EFHC2: variants seen among roughly 807,000 people sequenced by gnomAD.
EFHC2 encodes the protein EF-hand domain containing 2.
EFHC2 carries 18 observed loss-of-function variants against 52.7 expected under a neutral mutation model. That is an observed-to-expected ratio of 0.34 (90% confidence interval 0.24 to 0.51). The LOEUF (loss-of-function observed/expected upper bound fraction) is 0.51. EFHC2 is among the 20% of genes least tolerant of loss of function. The pLI, the probability that EFHC2 is intolerant of heterozygous loss-of-function variation, is 0.97. For missense variants in EFHC2, 513 were observed against 562.5 expected, an observed-to-expected ratio of 0.91 and a Z score of 0.89; for synonymous variants, 203 against 204.1, an observed-to-expected ratio of 0.99 and a Z score of 0.04.
At chrX:44,319,148 T>C (rs1009685786) in intron 1 of EFHC2, among the ~76,000 whole-genome samples, 15 of 109,011 alleles carry the variant, frequency 1.4e-4, no homozygotes, top group Non-Finnish European at 2.5e-4. Flanking sequence ...GGATTACAGG[T>C]GCCCACCACT....
At chrX:44,195,403 A>ATGTG (rs750049145) in intron 11 of EFHC2, among the ~76,000 whole-genome samples, 2 of 109,055 alleles carry the variant, frequency 1.8e-5, no homozygotes, top group African/African-American at 6.7e-5. Context: ...AGCTAAATAA[A>ATGTG]TGTGTGTGTG....
At chrX:44,225,811 G>A (rs1202137490) in intron 11 of EFHC2, 1 of 111,873 alleles carries the variant, frequency 8.9e-6, no homozygotes, top group Admixed American at 9.4e-5. Context: ...ATCAGGCCTA[G>A]CTTCTCCTTA....
In EFHC2 at chrX:44,321,988, G is replaced by C. The variant is rs757538685; in HGVS notation, c.43-9232C>G. Among the ~76,000 whole-genome samples, 3 of 111,945 alleles carry C rather than the reference G, an allele frequency of 2.7e-5. No individual in the cohort carries two copies. The South Asian group carries it at 1.1e-3, about 42-fold the overall frequency. ...GCCAGAGGCAGAACATTCTGTTCCT[G>C]CATAGATCTTCTATTAAAGTCTGGA... On this transcript the variant is annotated intron_variant, in intron 1 of 14. Coordinates refer to ENST00000420999, the MANE Select transcript of EFHC2 (RefSeq NM_025184.4).
chrX:44,176,467 T>G (rs1450720572), intron 12 of EFHC2, 83 bp from the exon 13 acceptor site: 6 of 660,817 alleles, frequency 9.1e-6, no homozygotes, highest in Non-Finnish European at 1.3e-5. Context: ...AGAAAATACA[T>G]TTGTGATGTT....
At chrX:44,155,613 T>C (rs773619089) in intron 14 of EFHC2, among the ~76,000 whole-genome samples, 2 of 112,217 alleles carry the variant, frequency 1.8e-5, no homozygotes, top group Non-Finnish European at 3.8e-5. Flanking sequence ...TAGAGTCATG[T>C]TGGTGATTTC....
intron 1 of EFHC2, among the ~76,000 whole-genome samples, chrX:44,341,170 C>T (rs1036319910): frequency 1.8e-5 from 2 of 111,944 alleles, no homozygotes; most frequent in Non-Finnish European, 3.8e-5. Context: ...AAACACCAAA[C>T]ATTTCCATTG....
At chrX:44,188,146 ATT>A in intron 11 of EFHC2, among the ~76,000 whole-genome samples, 1 of 95,277 alleles carries the variant, frequency 1.0e-5, no homozygotes. Flanking sequence ...ACGCCCAGCA[ATT>A]TTTTTTTTTT....
intron 14 of EFHC2, among the ~76,000 whole-genome samples, chrX:44,160,046 A>T (rs745470151): frequency 8.9e-6 from 1 of 112,429 alleles, no homozygotes; most frequent in East Asian, 2.8e-4. Context: ...AAAGTCACCC[A>T]GTTAGTTGAT....
intron 11 of EFHC2, among the ~76,000 whole-genome samples, chrX:44,211,391 G>A (rs1244369974): frequency 2.7e-5 from 3 of 110,500 alleles, no homozygotes; most frequent in Non-Finnish European, 3.8e-5. Flanking sequence ...AGCCAGGCGT[G>A]GTGGTGTGCA....
chrX:44,230,951 G>A (rs2147321236), intron 10 of EFHC2, among the ~76,000 whole-genome samples: 1 of 111,483 alleles, frequency 9.0e-6, no homozygotes, highest in South Asian at 3.8e-4. Context: ...CTGAAGTTCA[G>A]GAAAAATACA....
intron 1 of EFHC2, among the ~76,000 whole-genome samples, chrX:44,323,326 T>C (rs779649282): frequency 3.7e-4 from 42 of 112,468 alleles, no homozygotes; most frequent in Non-Finnish European, 7.1e-4. Flanking sequence ...TCTATTTTTA[T>C]GATTTATTTT....
chrX:44,220,656 T>A (rs755458356), intron 11 of EFHC2, among the ~76,000 whole-genome samples: 2 of 112,185 alleles, frequency 1.8e-5, no homozygotes, highest in East Asian at 5.6e-4. Context: ...GCCTATGTGG[T>A]CTACCTCTTT....
At chrX:44,317,082 C>T (rs749132400) in intron 1 of EFHC2, among the ~76,000 whole-genome samples, 14 of 112,011 alleles carry the variant, frequency 1.2e-4, no homozygotes, top group South Asian at 7.5e-4. Context: ...AGGAAGGGTC[C>T]GGGGAAGAAG....
At chrX:44,321,285 A>G (rs2038018758) in intron 1 of EFHC2, among the ~76,000 whole-genome samples, 1 of 111,229 alleles carries the variant, frequency 9.0e-6, no homozygotes, top group Non-Finnish European at 1.9e-5. Context: ...TTCTGGAGGT[A>G]GGAGGCAGGC....
chrX:44,164,155 T>G, intron 13 of EFHC2, 128 bp from the exon 14 acceptor site: 1 of 380,369 alleles, frequency 2.6e-6, no homozygotes, highest in Non-Finnish European at 4.4e-6. Context: ...TTCTTATTTC[T>G]TACAATTTCT....
intron 2 of EFHC2, among the ~76,000 whole-genome samples, chrX:44,300,791 C>T (rs184056828): frequency 1.8e-5 from 2 of 110,943 alleles, no homozygotes; most frequent in Admixed American, 9.6e-5. Context: ...CAAATTGCTC[C>T]TGGGGATGAA....
intron 1 of EFHC2, among the ~76,000 whole-genome samples, chrX:44,342,875 C>CAAAAAA (rs377220378): frequency 3.5e-5 from 2 of 57,406 alleles, no homozygotes; most frequent in Admixed American, 4.3e-4. Flanking sequence ...GACTCCGTCT[C>CAAAAAA]AAAAAAAAAA....
intron 1 of EFHC2, among the ~76,000 whole-genome samples, chrX:44,327,585 T>C (rs2038060702): frequency 1.8e-5 from 2 of 111,801 alleles, no homozygotes; most frequent in Non-Finnish European, 3.8e-5. Flanking sequence ...TAATATTTAT[T>C]TTAAAAATTC....
At chrX:44,171,450 G>A (rs939131202) in intron 13 of EFHC2, among the ~76,000 whole-genome samples, 3 of 111,324 alleles carry the variant, frequency 2.7e-5, no homozygotes, top group Admixed American at 9.5e-5. Context: ...GAGAGAAGAC[G>A]GTGAAGATCC....
Sources: allele counts gnomAD v4.1 joint callset (sites outside exome capture counted in the v4.1 genomes callset), GRCh38; gene constraint gnomAD v4.1.1; transcripts MANE v1.5; gene names NCBI Gene and HGNC (gene_info 2026-07-23, HGNC 2026-07-21).